FBXO47: variants seen among roughly 807,000 people sequenced by gnomAD.
The protein encoded by FBXO47 is F-box protein 47.
In FBXO47, 34 loss-of-function variants were observed where a neutral mutation model predicts 53.9. The ratio of observed to expected loss-of-function variants is 0.63; its 90% CI spans 0.48 to 0.84. The LOEUF (loss-of-function observed/expected upper bound fraction) is 0.84. Ranked by LOEUF, FBXO47 falls within the 40% of genes least tolerant of loss-of-function variation. The probability of loss-of-function intolerance (pLI) is 0.00; values close to 1 mark genes in which losing one functional copy is unlikely to be tolerated. For synonymous variants in FBXO47, 165 were observed against 181.6 expected, an observed-to-expected ratio of 0.91 and a Z score of 0.73; for missense variants, 485 against 541.3, an observed-to-expected ratio of 0.90 and a Z score of 1.03.
intron 6 of FBXO47, among the ~76,000 whole-genome samples, chr17:38,946,537 T>C (rs1379441256): frequency 1.2e-5 from 1 of 86,096 alleles, no homozygotes; most frequent in Non-Finnish European, 1.9e-5. Flanking sequence ...TATATAACTA[T>C]ATAAATATAT....
rs1904885066 is a variant in FBXO47, at chr17:38,946,641, T to TATATAAATATATATGAATATATAA, written c.617-1506_617-1505insTTATATATTCATATATATTTATAT. Among the ~76,000 whole-genome samples the TATATAAATATATATGAATATATAA allele has an allele frequency of 8.8e-4, 21 of 23,762 alleles. 1 individual carries two copies. Among genetic ancestry groups the TATATAAATATATATGAATATATAA allele is most frequent in the African/African-American group, 1.1e-3 (4 of 3,808 alleles). The allele number at this position is 23,762 out of a possible 152,430, so 15.6% of individuals were successfully genotyped here. ...ATATAAATATATATGAATATATAAA[T>TATATAAATATATATGAATATATAA]ATATATAAATATATATGAATATATA... On this transcript the variant is annotated intron_variant, in intron 6 of 10. Coordinates refer to ENST00000378079, the MANE Select transcript of FBXO47 (RefSeq NM_001008777.3).
At chr17:38,956,671 G>C (rs923266459) in intron 4 of FBXO47, among the ~76,000 whole-genome samples, 1 of 151,504 alleles carries the variant, frequency 6.6e-6, no homozygotes, top group Non-Finnish European at 1.5e-5. Context: ...ATCAAGAGTT[G>C]GACATATGCT....
At chr17:38,958,051 G>A (rs899153572) in intron 3 of FBXO47, among the ~76,000 whole-genome samples, 5 of 152,052 alleles carry the variant, frequency 3.3e-5, no homozygotes, top group African/African-American at 9.7e-5. Context: ...GGATGGTCTC[G>A]ATCTCTTGAC....
At position 38,961,933 on chromosome 17, in the gene FBXO47, A is replaced by G; in HGVS notation, c.296T>C (p.Leu99Pro). The G allele has an allele frequency of 6.2e-7, 1 of 1,614,084 alleles. No individual in the cohort carries two copies. Among genetic ancestry groups the G allele is most frequent in the Non-Finnish European group, 8.5e-7 (1 of 1,179,980 alleles). ...KRLLLQDFHN[L>P]ELPDRRQDSA... ...GTCTTGTCTCCTGTCAGGCAGCTCA[A>G]GGTTATGAAAGTCCTGTAGTAAAAG... Residue 99 changes from leucine to proline, a missense_variant, in exon 3 of 11, where the codon CTT becomes CCT. Leu to Pro is a moderately conservative substitution (Grantham distance 98, BLOSUM62 -3). Coordinates refer to ENST00000378079, the MANE Select transcript of FBXO47 (RefSeq NM_001008777.3).
At chr17:38,946,503 T>C (rs1417548202) in intron 6 of FBXO47, among the ~76,000 whole-genome samples, 3 of 90,282 alleles carry the variant, frequency 3.3e-5, no homozygotes, top group African/African-American at 1.4e-4. Context: ...TGAATATATA[T>C]AACTATATAA....
intron 1 of FBXO47, among the ~76,000 whole-genome samples, chr17:38,964,995 G>A (rs546232768): frequency 5.9e-5 from 9 of 151,888 alleles, no homozygotes; most frequent in Non-Finnish European, 1.0e-4. Flanking sequence ...GATTACAGGC[G>A]TGTGCTACCA....
intron 7 of FBXO47, 109 bp downstream of exon 7, chr17:38,944,847 CATGT>C (rs1904674593): frequency 7.5e-6 from 3 of 400,488 alleles, no homozygotes; most frequent in Admixed American, 3.5e-5. Flanking sequence ...TGCGTGCATG[CATGT>C]GTGTGTGTGT....
chr17:38,944,988 G>C lies in FBXO47; in HGVS notation c.765C>G (p.Ile255Met), dbSNP rs752461123. ...CTTGAGGAGATATTGGCCCAAAGAT[G>C]ATATACAGTAATCTTGCCTGATTCA... ...PMVNQARLLY[I>M]IFGPISPQDG... Residue 255 changes from isoleucine (I) to methionine (M), a missense_variant, in exon 7 of 11, where the codon ATC becomes ATG. Coordinates refer to ENST00000378079, the MANE Select transcript of FBXO47 (RefSeq NM_001008777.3). The C allele has an allele frequency of 6.2e-7, 1 of 1,613,910 alleles. No homozygotes were observed. Among genetic ancestry groups the C allele is most frequent in the Non-Finnish European group, 8.5e-7 (1 of 1,179,966 alleles).
chr17:38,948,534 C>T (rs959647092), intron 6 of FBXO47, among the ~76,000 whole-genome samples: 4 of 151,942 alleles, frequency 2.6e-5, no homozygotes, highest in African/African-American at 7.2e-5. Context: ...GATTTTTATA[C>T]GAATGAAATC....
At chr17:38,943,376 T>A (rs1010368792) in intron 8 of FBXO47, among the ~76,000 whole-genome samples, 1 of 152,142 alleles carries the variant, frequency 6.6e-6, no homozygotes, top group Non-Finnish European at 1.5e-5. Flanking sequence ...ATAATAATAA[T>A]AAATGTTTAT....
chr17:38,954,464 T>C (rs1280677640), intron 5 of FBXO47, among the ~76,000 whole-genome samples: 1 of 152,196 alleles, frequency 6.6e-6, no homozygotes, highest in Non-Finnish European at 1.5e-5. Flanking sequence ...ATCTGATTAC[T>C]AATATCACAC....
intron 5 of FBXO47, among the ~76,000 whole-genome samples, chr17:38,952,027 CAAAA>C (rs1195658676): frequency 6.6e-6 from 1 of 150,620 alleles, no homozygotes; most frequent in Non-Finnish European, 1.5e-5. Flanking sequence ...AGCTCTGTCA[CAAAA>C]AACAAACAAA....
chr17:38,945,495 A>C (rs756344229), intron 6 of FBXO47, among the ~76,000 whole-genome samples: 53 of 152,066 alleles, frequency 3.5e-4, no homozygotes, highest in Admixed American at 1.3e-3. Flanking sequence ...GTGTCACTTC[A>C]TTTTCCTCTA....
chr17:38,960,295 G>A (rs966045300), intron 3 of FBXO47, among the ~76,000 whole-genome samples: 1 of 151,628 alleles, frequency 6.6e-6, no homozygotes, highest in Non-Finnish European at 1.5e-5. Context: ...AACAATAATA[G>A]ATCAGGTAAG....
rs371712651 is a variant in FBXO47 at position 38,945,069 on chromosome 17, T to A, written c.684A>T (p.Thr228=). Residue 228 remains threonine (T), a synonymous_variant, in exon 7 of 11, where the codon ACA becomes ACT. Coordinates refer to ENST00000378079, the MANE Select transcript of FBXO47 (RefSeq NM_001008777.3). ...FCRNVLLDHW[T]HRSDSAFWLT... ...ACCAAAAAGCAGAATCACTTCGATG[T>A]GTCCAATGATCAAGGAGGACATTCC... The A allele has an allele frequency of 1.6e-5, 26 of 1,613,910 alleles. 1 individual carries two copies. The Middle Eastern group carries it at 6.6e-4, about 41-fold the overall frequency.
intron 9 of FBXO47, among the ~76,000 whole-genome samples, chr17:38,939,463 G>T (rs565438018): frequency 1.3e-5 from 2 of 148,428 alleles, no homozygotes; most frequent in South Asian, 4.2e-4. Context: ...TAAAGACATG[G>T]CTCTATTTTC....
chr17:38,946,048 A>T (rs1294165227), intron 6 of FBXO47, among the ~76,000 whole-genome samples: 1 of 111,196 alleles, frequency 9.0e-6, no homozygotes, highest in African/African-American at 4.1e-5. Flanking sequence ...AATATATATA[A>T]AATATATAAA....
intron 6 of FBXO47, among the ~76,000 whole-genome samples, chr17:38,946,541 AAT>A (rs1452522755): frequency 1.1e-5 from 1 of 89,172 alleles, no homozygotes; most frequent in African/African-American, 4.9e-5. Context: ...TAACTATATA[AAT>A]ATATATGAAT....
intron 6 of FBXO47, among the ~76,000 whole-genome samples, chr17:38,950,462 A>ATTT (rs71352328): frequency 7.8e-6 from 1 of 128,534 alleles, no homozygotes. Flanking sequence ...TGCCCGCCTA[A>ATTT]TTTTTTTTTT....
Sources: gnomAD v4.1 joint callset for allele counts (sites outside exome capture counted in the v4.1 genomes callset) on GRCh38, gnomAD v4.1.1 for gene constraint, MANE v1.5 for transcripts, NCBI Gene and HGNC (gene_info 2026-07-23, HGNC 2026-07-21) for gene names.